Variants in HSD17B12 observed in about 807,000 individuals in gnomAD.
The protein encoded by HSD17B12 is very-long-chain 3-oxoacyl-CoA reductase.
Under a neutral mutation model 39.3 loss-of-function variants are expected in HSD17B12, and 32 were observed. The ratio of observed to expected loss-of-function variants is 0.81; its 90% CI spans 0.61 to 1.09. The LOEUF is 1.09. Ranked by LOEUF, HSD17B12 falls within the 50% of genes least tolerant of loss-of-function variation. The pLI is 0.00. For synonymous variants in HSD17B12, 150 were observed against 146.7 expected (o/e 1.02, Z -0.16); for missense variants, 342 against 382.9 (o/e 0.89, Z 0.89).
chr11:43,792,956 G>A (rs1950881915), intron 3 of HSD17B12, among the ~76,000 whole-genome samples: 1 of 152,070 alleles, frequency 6.6e-6, no homozygotes, highest in African/African-American at 2.4e-5. Context: ...AGCTGTGTTG[G>A]CCTAGCTTTA....
the HSD17B12 span, among the ~76,000 whole-genome samples, chr11:43,576,311 T>C: frequency 2.0e-5 from 3 of 152,240 alleles, no homozygotes; most frequent in Admixed American, 6.5e-5. Flanking sequence ...GGGCGTTTAA[T>C]GCACATTTAA....
chr11:43,621,693 A>G, the HSD17B12 span, among the ~76,000 whole-genome samples: 1 of 152,242 alleles, frequency 6.6e-6, no homozygotes, highest in Non-Finnish European at 1.5e-5. Context: ...CCCAGATGAC[A>G]GAGTGAGACC....
Position 43,831,283 on chromosome 11 carries a change from C to T in HSD17B12, c.536+273C>T, listed in dbSNP as rs1251072050. 4.1e-6 allele frequency: 1 copy of T among 246,304 alleles called. No homozygotes were observed. The highest frequency in any genetic ancestry group is 7.9e-5 in the East Asian group (1 of 12,632). The allele number at this position is 246,304 out of a possible 1,614,324, so 15.3% of individuals were successfully genotyped here. On this transcript the variant is annotated intron_variant, in intron 7 of 10. Transcript: ENST00000278353. The surrounding 1 kb of genome is among the most constrained non-coding windows in gnomAD (Gnocchi z 4.1). ...AGCCTGCCTGAGTCACCATCACTAA[C>T]TCAATTGCCTACTATTCTGAGGGGG...
the HSD17B12 span, among the ~76,000 whole-genome samples, chr11:43,643,055 C>T: frequency 6.6e-6 from 1 of 152,000 alleles, no homozygotes; most frequent in South Asian, 2.1e-4. Flanking sequence ...TTTGAGTGCC[C>T]TTTCAAATGG....
the HSD17B12 span, among the ~76,000 whole-genome samples, chr11:43,648,793 T>C: frequency 6.6e-6 from 1 of 152,178 alleles, no homozygotes; most frequent in South Asian, 2.1e-4. Context: ...AGTGGTGTGA[T>C]TGATCTTGGC....
chr11:43,607,279 A>AGTGTGTGTGT, the HSD17B12 span, among the ~76,000 whole-genome samples: 3 of 145,290 alleles, frequency 2.1e-5, no homozygotes, highest in Admixed American at 2.1e-4. Context: ...TGTGCTCCTG[A>AGTGTGTGTGT]GTGTGTGTGT....
chr11:43,668,271 A>G, the HSD17B12 span, among the ~76,000 whole-genome samples: 1 of 152,200 alleles, frequency 6.6e-6, no homozygotes, highest in East Asian at 1.9e-4. Flanking sequence ...GGCTGTGCAC[A>G]TTCCTGGTCT....
chr11:43,703,437 G>A lies in HSD17B12; in HGVS notation c.160+22450G>A, dbSNP rs188707591. 4.0e-3 allele frequency among the ~76,000 whole-genome samples: 613 copies of A among 152,132 alleles called. 5 individuals are homozygous for A. Among genetic ancestry groups the A allele is most frequent in the African/African-American group, 0.013 (539 of 41,526 alleles). On this transcript the variant is annotated intron_variant, in intron 1 of 10. Transcript: ENST00000278353. ...TCTCGATCTCCCGACCTCGTGATCC[G>A]CCCGCCTCGGCCTCCCAAAGTGCTG... is the stretch of plus-strand genomic sequence containing the variant.
chr11:43,567,651 C>T, the HSD17B12 span, among the ~76,000 whole-genome samples: 4 of 152,182 alleles, frequency 2.6e-5, no homozygotes, highest in African/African-American at 7.2e-5. Flanking sequence ...TTAAAGCATC[C>T]GAGCATCCTG....
At chr11:43,738,071 A>AG (rs1293075761) in intron 1 of HSD17B12, among the ~76,000 whole-genome samples, 7 of 151,834 alleles carry the variant, frequency 4.6e-5, no homozygotes, top group Non-Finnish European at 8.8e-5. Flanking sequence ...AAAAAAAAAA[A>AG]AAAAATAGTG....
intron 3 of HSD17B12, among the ~76,000 whole-genome samples, chr11:43,775,877 C>A (rs1950698056): frequency 6.6e-6 from 1 of 150,592 alleles, no homozygotes; most frequent in Admixed American, 6.6e-5. Flanking sequence ...TTTGTTCTTG[C>A]AATAGTTTAC....
the HSD17B12 span, among the ~76,000 whole-genome samples, chr11:43,583,944 T>A: frequency 6.6e-6 from 1 of 152,086 alleles, no homozygotes; most frequent in Non-Finnish European, 1.5e-5. Flanking sequence ...TAACTTTGCC[T>A]ATGTTAAAAA....
chr11:43,724,301 T>TA (rs1177694868), intron 1 of HSD17B12, among the ~76,000 whole-genome samples: 2 of 151,054 alleles, frequency 1.3e-5, no homozygotes, highest in Non-Finnish European at 3.0e-5. Context: ...GGGACTGGCA[T>TA]AAAATATTTT....
intron 6 of HSD17B12, among the ~76,000 whole-genome samples, chr11:43,825,867 C>T (rs1015793159): frequency 6.6e-6 from 1 of 152,154 alleles, no homozygotes; most frequent in African/African-American, 2.4e-5. Flanking sequence ...CTTTTCACCT[C>T]CAAATGAAGC....
intron 1 of HSD17B12, among the ~76,000 whole-genome samples, chr11:43,695,435 G>A (rs1949902028): frequency 6.6e-6 from 1 of 152,012 alleles, no homozygotes; most frequent in Non-Finnish European, 1.5e-5. Flanking sequence ...AAAATTAGCT[G>A]GGCGTGGTGG....
chr11:43,779,394 T>A (rs1195703929), intron 3 of HSD17B12, among the ~76,000 whole-genome samples: 1 of 152,252 alleles, frequency 6.6e-6, no homozygotes, highest in Non-Finnish European at 1.5e-5. Context: ...CAGTGTTCTA[T>A]TTTGGAATGG....
intron 6 of HSD17B12, among the ~76,000 whole-genome samples, chr11:43,816,977 CATATAT>C (rs1259238493): frequency 2.8e-5 from 4 of 142,580 alleles, no homozygotes; most frequent in South Asian, 2.2e-4. Flanking sequence ...AGTATTCCAT[CATATAT>C]ATCTATATCT....
chr11:43,574,168 G>A, the HSD17B12 span, among the ~76,000 whole-genome samples: 1 of 152,212 alleles, frequency 6.6e-6, no homozygotes, highest in Non-Finnish European at 1.5e-5. Context: ...TGAGGGTAGT[G>A]GATGGGCTAA....
At chr11:43,807,050 C>T (rs1172068486) in intron 4 of HSD17B12, among the ~76,000 whole-genome samples, 2 of 152,066 alleles carry the variant, frequency 1.3e-5, no homozygotes, top group Admixed American at 6.6e-5. Context: ...AACCTCCATC[C>T]TATTAACAAA....
Sources: allele counts gnomAD v4.1 joint callset (sites outside exome capture counted in the v4.1 genomes callset), GRCh38; gene constraint gnomAD v4.1.1; non-coding constraint Gnocchi (gnomAD v3.1); transcripts MANE v1.5; gene names NCBI Gene and HGNC (gene_info 2026-07-23, HGNC 2026-07-21).